UNC5C: variants seen among roughly 807,000 people sequenced by gnomAD.
UNC5C encodes unc-5 netrin receptor C.
UNC5C carries 47 observed loss-of-function variants against 99.8 expected under a neutral mutation model. The ratio of observed to expected loss-of-function variants is 0.47; its 90% confidence interval spans 0.37 to 0.60. The LOEUF (loss-of-function observed/expected upper bound fraction) is 0.60. Among genes scored for constraint, UNC5C ranks in the 20% least tolerant of loss-of-function variants. The pLI is 0.00. For missense variants in UNC5C, 1,062 were observed against 1,165.9 expected, an observed-to-expected ratio of 0.91 and a Z score of 1.30; for synonymous variants, 487 against 452.2, an observed-to-expected ratio of 1.08 and a Z score of -0.98.
At chr4:95,252,148 A>G (rs1360428401) in intron 4 of UNC5C, among the ~76,000 whole-genome samples, 1 of 152,180 alleles carries the variant, frequency 6.6e-6, no homozygotes, top group Non-Finnish European at 1.5e-5. Context: ...GATTTTCTCA[A>G]CGTTTCACCC....
In UNC5C at chr4:95,476,046, T is replaced by A. The variant is rs528815063; in HGVS notation, c.124+72688A>T. ...AGACCATATGATGAACTGTAATAAC[T>A]TAACGGGCCCATTTTGTTCACTATG... On this transcript the variant is annotated intron_variant, in intron 1 of 15. Transcript: ENST00000453304. 3.9e-5 allele frequency among the ~76,000 whole-genome samples: 6 copies of A among 152,260 alleles called. No individual in the cohort carries two copies. In the East Asian group the frequency reaches 1.2e-3, roughly 30 times the overall value.
At chr4:95,208,172 C>T (rs947577398) in intron 10 of UNC5C, among the ~76,000 whole-genome samples, 1 of 152,154 alleles carries the variant, frequency 6.6e-6, no homozygotes, top group Admixed American at 6.5e-5. Flanking sequence ...GATTTGCCAT[C>T]TGTGTTTGTA....
At chr4:95,358,938 C>T (rs1744298016) in intron 1 of UNC5C, among the ~76,000 whole-genome samples, 1 of 152,112 alleles carries the variant, frequency 6.6e-6, no homozygotes, top group Admixed American at 6.6e-5. Flanking sequence ...CTGTAGAAGT[C>T]TGCAGATAAA....
intron 1 of UNC5C, among the ~76,000 whole-genome samples, chr4:95,460,308 TA>T (rs36075607): frequency 0.21 from 32,006 of 151,764 alleles, 3,924 homozygotes; most frequent in East Asian, 0.39. Flanking sequence ...GCCATTCTAA[TA>T]ATAACTTTTC....
Position 95,342,453 on chromosome 4 carries a change from G to A in UNC5C, c.125-6822C>T, listed in dbSNP as rs184447380. On this transcript the variant is annotated intron_variant, in intron 1 of 15. Coordinates refer to ENST00000453304, the MANE Select transcript of UNC5C (RefSeq NM_003728.4). ...CCTTGAAGGGAAGGACCAAGTCCTG[G>A]CAGAATTAATCACCTGCTGAGTAAA... Among the ~76,000 whole-genome samples, 115 of 152,166 alleles carry A rather than the reference G, an allele frequency of 7.6e-4. 3 individuals are homozygous for A. In the East Asian group the frequency reaches 0.017, roughly 22 times the overall value.
intron 7 of UNC5C, among the ~76,000 whole-genome samples, chr4:95,229,189 T>C (rs1005472094): frequency 6.6e-6 from 1 of 152,200 alleles, no homozygotes; most frequent in Non-Finnish European, 1.5e-5. Flanking sequence ...GCAGGTTTGT[T>C]ACATAGGTAT....
intron 1 of UNC5C, among the ~76,000 whole-genome samples, chr4:95,381,184 G>T (rs1383774343): frequency 1.3e-5 from 2 of 152,166 alleles, no homozygotes; most frequent in Non-Finnish European, 2.9e-5. Context: ...TATAGGTACA[G>T]AGTGAGATGT....
intron 1 of UNC5C, among the ~76,000 whole-genome samples, chr4:95,425,494 T>C (rs1746454764): frequency 6.6e-6 from 1 of 152,150 alleles, no homozygotes; most frequent in Non-Finnish European, 1.5e-5. Flanking sequence ...GCTAATTTTT[T>C]TGTATTTTCA....
rs1374540602 is a variant in UNC5C, at chr4:95,206,899, ATTC to A, written c.1734-106_1734-104del. 5.4e-6 allele frequency: 4 copies of A among 743,110 alleles called. No individual in the cohort carries two copies. The East Asian group carries it at 1.1e-4, about 20-fold the overall frequency. The allele number at this position is 743,110 out of a possible 1,614,324, so 46.0% of individuals were successfully genotyped here. ...ACAGGTCAAGTAGTTTTCTCCTGGA[ATTC>A]TTTTTTTTTTTTTTTTTCTGGGGGG... On this transcript the variant is annotated intron_variant, in intron 10 of 15. Coordinates refer to ENST00000453304, the MANE Select transcript of UNC5C (RefSeq NM_003728.4).
At position 95,165,241 on chromosome 4, in the gene UNC5C, C is replaced by T. The variant is rs1426128683; in HGVS notation, c.*3993G>A. The T allele has an allele frequency of 6.6e-6, 1 of 151,290 alleles. No homozygotes were observed. The highest frequency in any genetic ancestry group is 1.5e-5 in the Non-Finnish European group (1 of 68,032). 9.4% of individuals were successfully genotyped at this position (151,290 alleles called of 1,614,324 possible). On this transcript the variant is annotated 3_prime_UTR_variant, in exon 16 of 16. Transcript: ENST00000453304. The stretch of plus-strand genomic sequence containing the variant: ...CAGGGTGTCCTGAACTCAGTCCCCA[C>T]GACTTTTTTCTCCTGAAAATCGCTC...
chr4:95,163,621 T>C lies in UNC5C; in HGVS notation c.*5613A>G, dbSNP rs1302309701. 6.6e-6 allele frequency: 1 copy of C among 152,218 alleles called. No individual in the cohort carries two copies. 9.4% of individuals were successfully genotyped at this position (152,218 alleles called of 1,614,324 possible). A position where few individuals can be genotyped will look rare whatever the true frequency, so the allele number is the denominator to read the frequency against. ...TTTAGACATATTTGTAAAAGACCCTTAAATGGTATGACTTGCAATTTATAT... is the reference window on the plus strand; with the variant it reads ...TTTAGACATATTTGTAAAAGACCCTCAAATGGTATGACTTGCAATTTATAT... On this transcript the variant is annotated 3_prime_UTR_variant, in exon 16 of 16. Coordinates refer to ENST00000453304, the MANE Select transcript of UNC5C (RefSeq NM_003728.4).
chr4:95,478,128 G>C (rs1265287033), intron 1 of UNC5C, among the ~76,000 whole-genome samples: 1 of 151,880 alleles, frequency 6.6e-6, no homozygotes, highest in Non-Finnish European at 1.5e-5. Context: ...GTCTTTATTA[G>C]TCCTTACACC....
chr4:95,507,602 T>C (rs1268913719), intron 1 of UNC5C, among the ~76,000 whole-genome samples: 3 of 152,024 alleles, frequency 2.0e-5, no homozygotes, highest in Non-Finnish European at 4.4e-5. Context: ...GCTCTTCCTG[T>C]CTCATCCTTG....
At chr4:95,548,226 A>G (rs1245607562) in intron 1 of UNC5C, among the ~76,000 whole-genome samples, 4 of 152,046 alleles carry the variant, frequency 2.6e-5, no homozygotes, top group East Asian at 3.9e-4. Flanking sequence ...TAATGGACAC[A>G]TTTCCTTAGC....
chr4:95,265,668 C>A (rs141017819), intron 4 of UNC5C, among the ~76,000 whole-genome samples: 1 of 152,162 alleles, frequency 6.6e-6, no homozygotes, highest in Non-Finnish European at 1.5e-5. Flanking sequence ...ATCACACAGA[C>A]AATTTGTGTC....
At chr4:95,322,726 G>A (rs1742735083) in intron 2 of UNC5C, among the ~76,000 whole-genome samples, 2 of 151,930 alleles carry the variant, frequency 1.3e-5, no homozygotes, top group Admixed American at 1.3e-4. Flanking sequence ...ATCACCTGAG[G>A]TCAGGAGTTT....
At chr4:95,489,173 A>G (rs1384698390) in intron 1 of UNC5C, among the ~76,000 whole-genome samples, 4 of 151,246 alleles carry the variant, frequency 2.6e-5, no homozygotes, top group Admixed American at 2.0e-4. Flanking sequence ...AAGGAAAAAT[A>G]AGAATATATG....
At chr4:95,537,484 G>C (rs961285467) in intron 1 of UNC5C, among the ~76,000 whole-genome samples, 39 of 152,296 alleles carry the variant, frequency 2.6e-4, no homozygotes, top group African/African-American at 8.9e-4. Context: ...AATCTCGTTT[G>C]TCTCCACAAT....
chr4:95,408,232 T>C (rs1745880587), intron 1 of UNC5C, among the ~76,000 whole-genome samples: 1 of 152,224 alleles, frequency 6.6e-6, no homozygotes, highest in African/African-American at 2.4e-5. Flanking sequence ...ATTCAGATGC[T>C]TCTGAAATAT....
Sources: allele counts gnomAD v4.1 joint callset (sites outside exome capture counted in the v4.1 genomes callset), GRCh38; gene constraint gnomAD v4.1.1; transcripts MANE v1.5; gene names NCBI Gene and HGNC (gene_info 2026-07-23, HGNC 2026-07-21).